The following DDR2 variants were observed in gnomAD, a reference collection of about 807,000 sequenced individuals.
DDR2 encodes discoidin domain-containing receptor 2.
DDR2 carries 27 observed loss-of-function variants against 94.9 expected under a neutral mutation model. The ratio of observed to expected loss-of-function variants is 0.28; its 90% CI spans 0.21 to 0.39. The LOEUF (loss-of-function observed/expected upper bound fraction) is 0.39. Among genes scored for constraint, DDR2 ranks in the 10% least tolerant of loss-of-function variants. The pLI is 1.00. For missense variants in DDR2, 783 were observed against 1,076.0 expected (o/e 0.73, Z 3.81); for synonymous variants, 382 against 377.2 (o/e 1.01, Z -0.15).
intron 3 of DDR2, among the ~76,000 whole-genome samples, chr1:162,726,019 C>G (rs1443571448): frequency 3.3e-5 from 5 of 152,192 alleles, no homozygotes; most frequent in Non-Finnish European, 7.3e-5. Flanking sequence ...TTTGCCTACT[C>G]GCTGGACGAG....
intron 3 of DDR2, among the ~76,000 whole-genome samples, chr1:162,746,634 A>G (rs903873728): frequency 1.3e-5 from 2 of 152,190 alleles, no homozygotes; most frequent in East Asian, 1.9e-4. Context: ...TTCTCCCAGC[A>G]TGGAGTTTGA....
chr1:162,755,832 C>T (rs1663438090), intron 7 of DDR2, 63 bp downstream of exon 7: 1 of 1,350,790 alleles, frequency 7.4e-7, no homozygotes, highest in Admixed American at 1.7e-5. Context: ...AATATTTTAT[C>T]ATGTCTTGGG....
chr1:162,698,319 T>G (rs747619161), intron 2 of DDR2, among the ~76,000 whole-genome samples: 1 of 152,168 alleles, frequency 6.6e-6, no homozygotes, highest in Non-Finnish European at 1.5e-5. Context: ...TCGGTTAGCC[T>G]CTTGCTGTAT....
chr1:162,749,769 A>G (rs752360558), intron 3 of DDR2, among the ~76,000 whole-genome samples: 1 of 152,234 alleles, frequency 6.6e-6, no homozygotes, highest in Non-Finnish European at 1.5e-5. Context: ...TAAATAAAAT[A>G]CTGGCAAACT....
intron 1 of DDR2, among the ~76,000 whole-genome samples, chr1:162,635,102 C>T (rs1656748133): frequency 6.6e-6 from 1 of 152,136 alleles, no homozygotes; most frequent in Non-Finnish European, 1.5e-5. Context: ...CACTTAGATT[C>T]CTCAACAGAG....
chr1:162,745,743 C>T lies in DDR2; in HGVS notation c.83-7352C>T, dbSNP rs78157337. On this transcript the variant is annotated intron_variant, in intron 3 of 17. Coordinates refer to ENST00000367921, the MANE Select transcript of DDR2 (RefSeq NM_006182.4). ...TTTCTAAAATATTTTGAAATTAGGA[C>T]GTGTGATACTTCTGACTGATTTCTT... Among the ~76,000 whole-genome samples, 1,458 of 152,122 alleles carry T rather than the reference C, an allele frequency of 9.6e-3. 20 individuals are homozygous for T. Among genetic ancestry groups the T allele is most frequent in the African/African-American group, 0.034 (1,391 of 41,512 alleles).
Position 162,759,984 on chromosome 1 carries a change from G to C in DDR2, c.855+5G>C, listed in dbSNP as rs2102151157. The C allele has an allele frequency of 6.2e-7, 1 of 1,614,088 alleles. No homozygotes were observed. Among genetic ancestry groups the C allele is most frequent in the Non-Finnish European group, 8.5e-7 (1 of 1,179,978 alleles). Reference sequence around the variant, plus strand: ...AGGAATTTCACTACCATGAAGGTCAGTGGGGTCGGGTGTGGTGGAACTTCT... The same window carrying C: ...AGGAATTTCACTACCATGAAGGTCACTGGGGTCGGGTGTGGTGGAACTTCT... On this transcript the variant is annotated splice_donor_5th_base_variant and intron_variant, in intron 8 of 17. Transcript: ENST00000367921.
chr1:162,647,472 G>T (rs1365826893), intron 1 of DDR2, among the ~76,000 whole-genome samples: 2 of 152,190 alleles, frequency 1.3e-5, no homozygotes, highest in Admixed American at 6.6e-5. Flanking sequence ...AGTCTATAAA[G>T]TGAAAGCAAG....
rs536075073 is a variant in DDR2 at position 162,679,476 on chromosome 1, A to T, written c.-28+24102A>T. Among the ~76,000 whole-genome samples, 9 of 151,890 alleles carry T rather than the reference A, an allele frequency of 5.9e-5. No homozygotes were observed. The East Asian group carries it at 1.7e-3, about 29-fold the overall frequency. ...CTCCATCCATGTTGCTGCAAAGGACATGATCTCATTCTTTTTTATGGCTGC... is the reference window on the plus strand; with the variant it reads ...CTCCATCCATGTTGCTGCAAAGGACTTGATCTCATTCTTTTTTATGGCTGC... On this transcript the variant is annotated intron_variant, in intron 2 of 17. Coordinates refer to ENST00000367921, the MANE Select transcript of DDR2 (RefSeq NM_006182.4).
rs763064417 is a variant in DDR2, at chr1:162,761,407, A to T, written c.1052A>T (p.His351Leu). 6.2e-7 allele frequency: 1 copy of T among 1,614,100 alleles called. No individual in the cohort carries two copies. Among genetic ancestry groups the T allele is most frequent in the Non-Finnish European group, 8.5e-7 (1 of 1,180,010 alleles). The change falls in exon 9 of 18, where the codon CAT becomes CTT. Residue 351 changes from histidine (H) to leucine (L), a missense_variant. This residue lies in a region of DDR2 where 519 missense variants were observed against 647.9 expected (regional missense o/e 0.80). Transcript: ENST00000367921. Reference protein sequence around the residue: ...RMASAIKCQYHFADTWMMFSE... With the variant: ...RMASAIKCQYLFADTWMMFSE... ...GCCAGTGCCATCAAGTGTCAATACC[A>T]TTTTGCAGATACCTGGATGATGTTC...
At chr1:162,678,041 G>A (rs1659223420) in intron 2 of DDR2, among the ~76,000 whole-genome samples, 1 of 152,090 alleles carries the variant, frequency 6.6e-6, no homozygotes. Context: ...TGGTGAAACC[G>A]AAAGTCAGTA....
At chr1:162,713,125 T>C (rs1660998112) in intron 2 of DDR2, among the ~76,000 whole-genome samples, 1 of 152,170 alleles carries the variant, frequency 6.6e-6, no homozygotes, top group Non-Finnish European at 1.5e-5. Context: ...TATAAGTAAC[T>C]GATAAAGTTC....
intron 6 of DDR2, 76 bp from the exon 7 acceptor site, chr1:162,755,588 C>A: frequency 1.4e-6 from 2 of 1,382,806 alleles, no homozygotes; most frequent in Non-Finnish European, 2.1e-6. Flanking sequence ...CAAGCTTATA[C>A]CCTTGAAACT....
intron 3 of DDR2, among the ~76,000 whole-genome samples, chr1:162,719,804 T>C (rs953419818): frequency 6.6e-6 from 1 of 152,166 alleles, no homozygotes; most frequent in Admixed American, 6.6e-5. Context: ...TAGCTGGACT[T>C]GTTTGGACTG....
At chr1:162,703,158 G>A (rs557617170) in intron 2 of DDR2, among the ~76,000 whole-genome samples, 2 of 152,246 alleles carry the variant, frequency 1.3e-5, no homozygotes, top group South Asian at 4.2e-4. Context: ...AAGTATATAA[G>A]GCATTGTGCT....
chr1:162,771,327 G>A (rs1664256582), intron 12 of DDR2, among the ~76,000 whole-genome samples: 1 of 152,168 alleles, frequency 6.6e-6, no homozygotes, highest in African/African-American at 2.4e-5. Flanking sequence ...GCTGGATGTA[G>A]AAGCAGACAG....
intron 9 of DDR2, among the ~76,000 whole-genome samples, chr1:162,762,628 C>T (rs986594626): frequency 6.6e-6 from 1 of 152,164 alleles, no homozygotes; most frequent in African/African-American, 2.4e-5. Context: ...CATCATGCAC[C>T]AGTTTACTCA....
chr1:162,756,128 AATAAGT>A (rs1455701347), intron 7 of DDR2, among the ~76,000 whole-genome samples: 1 of 152,228 alleles, frequency 6.6e-6, no homozygotes, highest in African/African-American at 2.4e-5. Flanking sequence ...GAATTGAAGT[AATAAGT>A]ATAATACTCT....
intron 2 of DDR2, among the ~76,000 whole-genome samples, chr1:162,656,831 G>A (rs1379514717): frequency 7.4e-5 from 2 of 27,078 alleles, no homozygotes; most frequent in South Asian, 1.2e-3. Flanking sequence ...CCTGCCACTG[G>A]AGTTTTTTTT....
Sources: gnomAD v4.1 joint callset for allele counts (sites outside exome capture counted in the v4.1 genomes callset) on GRCh38, gnomAD v4.1.1 for gene constraint, gnomAD v4.1.1 regional missense constraint, MANE v1.5 for transcripts, NCBI Gene and HGNC (gene_info 2026-07-23, HGNC 2026-07-21) for gene names.